Variants in TRPC4 observed in about 807,000 individuals in gnomAD.
TRPC4 encodes transient receptor potential cation channel subfamily C member 4, also known as short transient receptor potential channel 4.
A neutral mutation model predicts 99.4 loss-of-function variants in TRPC4; 49 were observed. The ratio of observed to expected loss-of-function variants is 0.49; its 90% CI spans 0.39 to 0.63. The LOEUF is 0.63. TRPC4 is among the 20% of genes least tolerant of loss of function. The pLI, the probability that TRPC4 is intolerant of heterozygous loss-of-function variation, is 0.00. For missense variants in TRPC4, 898 were observed against 1,152.9 expected, an observed-to-expected ratio of 0.78 and a Z score of 3.20; for synonymous variants, 454 against 425.9, an observed-to-expected ratio of 1.07 and a Z score of -0.81.
chr13:37,791,966 T>A (rs2139391660), intron 1 of TRPC4, among the ~76,000 whole-genome samples: 1 of 152,262 alleles, frequency 6.6e-6, no homozygotes, highest in South Asian at 2.1e-4. Flanking sequence ...AGCTAGACTG[T>A]AGCCAAAGGA....
In TRPC4 at chr13:37,638,128, TC is replaced by T. The variant is rs1951592114; in HGVS notation, c.2212-504del. 5.9e-5 allele frequency among the ~76,000 whole-genome samples: 9 copies of T among 152,236 alleles called. No homozygotes were observed. The South Asian group carries it at 1.7e-3, about 28-fold the overall frequency. ...CCCTACATCTGGGTCAGCCTCTACA[TC>T]CTGGGAATTTCTTCGGATCTAACAG... On this transcript the variant is annotated intron_variant, in intron 10 of 10. Coordinates refer to ENST00000379705, the MANE Select transcript of TRPC4 (RefSeq NM_016179.4).
At chr13:37,642,381 G>T (rs1328366915) in intron 8 of TRPC4, among the ~76,000 whole-genome samples, 1 of 152,140 alleles carries the variant, frequency 6.6e-6, no homozygotes, top group East Asian at 1.9e-4. Context: ...TGGAGCTGTG[G>T]AATGTACCTC....
chr13:37,705,019 C>A (rs1954221661), intron 3 of TRPC4, among the ~76,000 whole-genome samples: 1 of 152,078 alleles, frequency 6.6e-6, no homozygotes, highest in Admixed American at 6.6e-5. Flanking sequence ...CAGCAGTATT[C>A]ACAATAATCA....
intron 1 of TRPC4, among the ~76,000 whole-genome samples, chr13:37,848,489 TC>T (rs1958967062): frequency 6.6e-6 from 1 of 152,090 alleles, no homozygotes; most frequent in Non-Finnish European, 1.5e-5. Flanking sequence ...ATTTCTTCAT[TC>T]ATAATCATTT....
chr13:37,766,309 G>T (rs570731401), intron 2 of TRPC4, among the ~76,000 whole-genome samples: 5 of 151,500 alleles, frequency 3.3e-5, no homozygotes, highest in South Asian at 4.1e-4. Context: ...AGAACACGCA[G>T]AATATGGAGC....
chr13:37,655,771 CA>C (rs1039339442), intron 6 of TRPC4, among the ~76,000 whole-genome samples: 1 of 152,154 alleles, frequency 6.6e-6, no homozygotes. Context: ...GTAGTTATAG[CA>C]GAGAACATAT....
intron 1 of TRPC4, among the ~76,000 whole-genome samples, chr13:37,810,438 AATATT>A (rs1357939708): frequency 6.6e-6 from 1 of 152,046 alleles, no homozygotes; most frequent in Non-Finnish European, 1.5e-5. Flanking sequence ...TACTATACTA[AATATT>A]ATATTATAAC....
intron 1 of TRPC4, among the ~76,000 whole-genome samples, chr13:37,846,464 T>A (rs1958901614): frequency 6.6e-6 from 1 of 152,070 alleles, no homozygotes; most frequent in African/African-American, 2.4e-5. Context: ...TGTGAAAGTG[T>A]AGAGTCTTTA....
At chr13:37,789,312 C>T (rs1957051917) in intron 1 of TRPC4, among the ~76,000 whole-genome samples, 2 of 152,110 alleles carry the variant, frequency 1.3e-5, no homozygotes, top group African/African-American at 2.4e-5. Context: ...TTCCCTTGGG[C>T]ACTTAGCAAC....
At chr13:37,736,819 C>T (rs1955409214) in intron 3 of TRPC4, among the ~76,000 whole-genome samples, 1 of 151,818 alleles carries the variant, frequency 6.6e-6, no homozygotes, top group African/African-American at 2.4e-5. Context: ...GCCTCAACCT[C>T]CTGGGCTCAA....
At chr13:37,664,796 T>A (rs1221417777) in intron 5 of TRPC4, among the ~76,000 whole-genome samples, 1 of 152,200 alleles carries the variant, frequency 6.6e-6, no homozygotes, top group African/African-American at 2.4e-5. Flanking sequence ...TAGCACATTT[T>A]ACATCCAAGA....
chr13:37,799,477 A>G (rs1957343519), intron 1 of TRPC4, among the ~76,000 whole-genome samples: 2 of 152,122 alleles, frequency 1.3e-5, no homozygotes, highest in African/African-American at 4.8e-5. Flanking sequence ...GTCAGCAAAA[A>G]CTTATTTGAA....
At position 37,713,521 on chromosome 13, in the gene TRPC4, A is replaced by G. The variant is rs147778508; in HGVS notation, c.898-21186T>C. On this transcript the variant is annotated intron_variant, in intron 3 of 10. Coordinates refer to ENST00000379705, the MANE Select transcript of TRPC4 (RefSeq NM_016179.4). Reference sequence around the variant, plus strand: ...CAGTTTCTCATTATCTGAATAACCAACATAGTCCCTTCAAAGAAAGATAGC... The same window carrying G: ...CAGTTTCTCATTATCTGAATAACCAGCATAGTCCCTTCAAAGAAAGATAGC... Among the ~76,000 whole-genome samples, 396 of 152,244 alleles carry G rather than the reference A, an allele frequency of 2.6e-3. 1 individual carries two copies. The highest frequency in any genetic ancestry group is 4.0e-3 in the Non-Finnish European group (274 of 68,004).
intron 1 of TRPC4, among the ~76,000 whole-genome samples, chr13:37,816,754 C>G (rs1487200600): frequency 6.6e-6 from 1 of 151,970 alleles, no homozygotes; most frequent in Non-Finnish European, 1.5e-5. Flanking sequence ...ATCACATAAA[C>G]AGAACTAAAG....
Position 37,783,137 on chromosome 13 carries a change from A to G in TRPC4, c.197T>C (p.Ile66Thr). The G allele has an allele frequency of 1.2e-6, 2 of 1,613,468 alleles. No homozygotes were observed. Among genetic ancestry groups the G allele is most frequent in the Non-Finnish European group, 1.7e-6 (2 of 1,179,720 alleles). Reference protein sequence around the residue: ...EIYFKININCIDPLGRTALLI... With the variant: ...EIYFKININCTDPLGRTALLI... ...GAGAGCAGTTCTTCCGAGAGGATCA[A>G]TGCAATTAATATTGATTTTAAAATA... is the stretch of plus-strand genomic sequence containing the variant. The change falls in exon 2 of 11, where the codon ATT becomes ACT. Residue 66 changes from isoleucine (I) to threonine (T), a missense_variant. Ile to Thr is a moderately conservative substitution (Grantham distance 89). Transcript: ENST00000379705.
intron 1 of TRPC4, among the ~76,000 whole-genome samples, chr13:37,811,979 AT>A (rs1266016442): frequency 6.6e-6 from 1 of 151,962 alleles, no homozygotes; most frequent in African/African-American, 2.4e-5. Context: ...CCAGGCCAAC[AT>A]GGCAAAACAC....
chr13:37,822,647 C>A (rs544352305), intron 1 of TRPC4, among the ~76,000 whole-genome samples: 1 of 151,998 alleles, frequency 6.6e-6, no homozygotes, highest in South Asian at 2.1e-4. Context: ...ATATGTGCCA[C>A]ATTTTCTTCA....
chr13:37,710,494 G>A (rs1473958581), intron 3 of TRPC4, among the ~76,000 whole-genome samples: 1 of 151,876 alleles, frequency 6.6e-6, no homozygotes, highest in African/African-American at 2.4e-5. Flanking sequence ...AGTACTTCAT[G>A]AGATTATCTC....
Position 37,814,780 on chromosome 13 carries a change from C to T in TRPC4, c.-27-31420G>A, listed in dbSNP as rs77614765. 8.9e-3 allele frequency among the ~76,000 whole-genome samples: 1,355 copies of T among 151,728 alleles called. 35 individuals carry two copies. In the East Asian group the frequency reaches 0.1, roughly 11 times the overall value. ...ATCAAATTGATCTATAAATTTAATGCCATCCTTATCAAAATTCCAACTTAC... is the reference window on the plus strand; with the variant it reads ...ATCAAATTGATCTATAAATTTAATGTCATCCTTATCAAAATTCCAACTTAC... On this transcript the variant is annotated intron_variant, in intron 1 of 10. Transcript: ENST00000379705.
Sources: allele counts gnomAD v4.1 joint callset (sites outside exome capture counted in the v4.1 genomes callset), GRCh38; gene constraint gnomAD v4.1.1; transcripts MANE v1.5; gene names NCBI Gene and HGNC (gene_info 2026-07-23, HGNC 2026-07-21).